The following KIAA0232 variants were observed in gnomAD, a reference collection of about 807,000 sequenced individuals.
KIAA0232 encodes the protein KIAA0232, also known as uncharacterized protein KIAA0232.
In KIAA0232, 27 loss-of-function variants were observed where a neutral mutation model predicts 122.0. That is an observed-to-expected ratio of 0.22 (90% confidence interval 0.16 to 0.31). The LOEUF is 0.31. Among genes scored for constraint, KIAA0232 ranks in the 10% least tolerant of loss-of-function variants. The pLI, the probability that KIAA0232 is intolerant of heterozygous loss-of-function variation, is 1.00. For missense variants in KIAA0232, 1,551 were observed against 1,634.2 expected (o/e 0.95, Z 0.88); for synonymous variants, 613 against 587.6 (o/e 1.04, Z -0.63).
chr4:6,858,556 T>C (rs752414286), intron 6 of KIAA0232, 50 bp downstream of exon 6: 14 of 1,174,068 alleles, frequency 1.2e-5, no homozygotes, highest in Non-Finnish European at 1.7e-5. Context: ...TAAAATCAGA[T>C]GAATAACTGC....
intron 1 of KIAA0232, among the ~76,000 whole-genome samples, chr4:6,798,768 T>A (rs1717246871): frequency 6.6e-6 from 1 of 152,170 alleles, no homozygotes; most frequent in South Asian, 2.1e-4. Flanking sequence ...TCCAGGCTGG[T>A]CTCAAACCCC....
At chr4:6,826,502 AT>A (rs1190007392) in intron 3 of KIAA0232, among the ~76,000 whole-genome samples, 2,711 of 132,490 alleles carry the variant, frequency 0.02, 49 homozygotes, top group African/African-American at 0.062. Flanking sequence ...ATAGGGAATG[AT>A]TTTTTTTTTT....
chr4:6,836,739 C>T (rs144402541), intron 3 of KIAA0232, among the ~76,000 whole-genome samples: 6,531 of 151,726 alleles, frequency 0.043, 186 homozygotes, highest in Non-Finnish European at 0.062. Context: ...GATTAGGGAG[C>T]GGTGATGACT....
rs1407287427 is a variant in KIAA0232, at chr4:6,824,340, C to A, written c.-114C>A. 8.0e-6 allele frequency: 7 copies of A among 871,576 alleles called. No individual in the cohort carries two copies. The highest frequency in any genetic ancestry group is 1.4e-5 in the South Asian group (1 of 69,588). The allele number at this position is 871,576 out of a possible 1,614,324, so 54.0% of individuals were successfully genotyped here. A position where few individuals can be genotyped will look rare whatever the true frequency, so the allele number is the denominator to read the frequency against. Reference sequence around the variant, plus strand: ...ACTACCAGCAAAAATAAATGCTTATCCTACATGTCAAGCATCTCTACTTTT... The same window carrying A: ...ACTACCAGCAAAAATAAATGCTTATACTACATGTCAAGCATCTCTACTTTT... On this transcript the variant is annotated 5_prime_UTR_variant, in exon 3 of 10. Transcript: ENST00000307659.
At chr4:6,860,376 A>G (rs1560198844) in intron 6 of KIAA0232, among the ~76,000 whole-genome samples, 1 of 152,234 alleles carries the variant, frequency 6.6e-6, no homozygotes, top group African/African-American at 2.4e-5. Flanking sequence ...ATGTGGCTTC[A>G]GAGCTCATAC....
chr4:6,810,140 A>G (rs1295691089), intron 2 of KIAA0232, among the ~76,000 whole-genome samples: 1 of 152,238 alleles, frequency 6.6e-6, no homozygotes, highest in African/African-American at 2.4e-5. Context: ...ACCAAAAAGA[A>G]CAAAGCTGGG....
chr4:6,793,275 A>G (rs1577353679), intron 1 of KIAA0232, among the ~76,000 whole-genome samples: 1 of 152,194 alleles, frequency 6.6e-6, no homozygotes, highest in Non-Finnish European at 1.5e-5. Context: ...CCATTAAAAA[A>G]CAACTGTTTA....
At chr4:6,872,809 G>A (rs545762773) in intron 8 of KIAA0232, among the ~76,000 whole-genome samples, 14 of 152,374 alleles carry the variant, frequency 9.2e-5, no homozygotes, top group African/African-American at 3.1e-4. Context: ...ACACGCCTGT[G>A]TTGTCCTCGG....
intron 3 of KIAA0232, 60 bp downstream of exon 3, chr4:6,824,744 C>T: frequency 7.3e-7 from 1 of 1,377,372 alleles, no homozygotes; most frequent in Non-Finnish European, 1.0e-6. Context: ...ATACATTCCT[C>T]TTAAACAAGC....
At chr4:6,821,370 G>A (rs1012508362) in intron 2 of KIAA0232, among the ~76,000 whole-genome samples, 4 of 151,966 alleles carry the variant, frequency 2.6e-5, no homozygotes, top group East Asian at 1.9e-4. Flanking sequence ...TCTCTTACCC[G>A]TCTCCCACCC....
At chr4:6,825,332 C>CT (rs1363802629) in intron 3 of KIAA0232, among the ~76,000 whole-genome samples, 1 of 152,128 alleles carries the variant, frequency 6.6e-6, no homozygotes, top group African/African-American at 2.4e-5. Context: ...GGGAGGATCC[C>CT]TTTAAACCAG....
At chr4:6,864,550 C>A (rs1721065029) in intron 7 of KIAA0232, among the ~76,000 whole-genome samples, 1 of 151,778 alleles carries the variant, frequency 6.6e-6, no homozygotes, top group African/African-American at 2.4e-5. Flanking sequence ...ACCAGCTTGG[C>A]CAACATGGTG....
At chr4:6,795,684 C>T (rs1329645224) in intron 1 of KIAA0232, among the ~76,000 whole-genome samples, 3 of 152,124 alleles carry the variant, frequency 2.0e-5, no homozygotes, top group Non-Finnish European at 4.4e-5. Context: ...CCTTGGTCTC[C>T]CAGGCTCAAG....
chr4:6,810,462 A>G (rs924192670), intron 2 of KIAA0232, among the ~76,000 whole-genome samples: 3 of 152,242 alleles, frequency 2.0e-5, no homozygotes, highest in African/African-American at 7.2e-5. Flanking sequence ...TTAAGACCTG[A>G]AACTATAAAA....
rs1179419533 is a variant in KIAA0232, at chr4:6,825,863, A to G, written c.231+1179A>G. Among the ~76,000 whole-genome samples the G allele has an allele frequency of 3.3e-5, 5 of 152,208 alleles. No individual in the cohort carries two copies. In the South Asian group the frequency reaches 6.2e-4, roughly 19 times the overall value. ...CCACACTGAGAGCAGGAAGGGTTTC[A>G]TTGTCAGGAGATATTGGCTTTGCCC... On this transcript the variant is annotated intron_variant, in intron 3 of 9. Coordinates refer to ENST00000307659, the MANE Select transcript of KIAA0232 (RefSeq NM_014743.3).
intron 9 of KIAA0232, among the ~76,000 whole-genome samples, chr4:6,879,555 G>C (rs1721942465): frequency 6.6e-6 from 1 of 152,200 alleles, no homozygotes; most frequent in Non-Finnish European, 1.5e-5. Context: ...TTCTGCCTCA[G>C]GGGTTCTCAA....
chr4:6,843,702 A>T (rs1719785732), intron 4 of KIAA0232, among the ~76,000 whole-genome samples: 1 of 152,042 alleles, frequency 6.6e-6, no homozygotes, highest in Admixed American at 6.6e-5. Context: ...CCTGGGAGGC[A>T]GAGGTTGCAG....
intron 1 of KIAA0232, among the ~76,000 whole-genome samples, chr4:6,803,807 C>G (rs568002572): frequency 3.9e-4 from 59 of 152,150 alleles, no homozygotes; most frequent in African/African-American, 1.4e-3. Flanking sequence ...TTTTTCCTAC[C>G]TATTTTCTTC....
chr4:6,872,747 G>A (rs747131433), intron 8 of KIAA0232, among the ~76,000 whole-genome samples: 1 of 152,230 alleles, frequency 6.6e-6, no homozygotes. Flanking sequence ...CAGCTAATTT[G>A]TAGTTAGTGT....
Sources: allele counts gnomAD v4.1 joint callset (sites outside exome capture counted in the v4.1 genomes callset), GRCh38; gene constraint gnomAD v4.1.1; transcripts MANE v1.5; gene names NCBI Gene and HGNC (gene_info 2026-07-23, HGNC 2026-07-21).